DST: variants seen among roughly 807,000 people sequenced by gnomAD.
DST encodes the protein dystonin, also known as bullous pemphigoid antigen.
A neutral mutation model predicts 875.2 loss-of-function variants in DST; 253 were observed. The ratio of observed to expected loss-of-function variants is 0.29; its 90% confidence interval spans 0.26 to 0.32. The LOEUF (loss-of-function observed/expected upper bound fraction) is 0.32. Ranked by LOEUF, DST falls within the 10% of genes least tolerant of loss-of-function variation. The probability of loss-of-function intolerance (pLI) is 1.00; values close to 1 mark genes in which losing one functional copy is unlikely to be tolerated. For missense variants in DST, 8,287 were observed against 9,111.6 expected (o/e 0.91, Z 3.68); for synonymous variants, 3,124 against 3,197.1 (o/e 0.98, Z 0.77).
chr6:56,506,648 AT>A lies in DST; in HGVS notation c.19362+18del. 1 of 1,613,132 alleles carries A rather than the reference AT, an allele frequency of 6.2e-7. No individual in the cohort carries two copies. Among genetic ancestry groups the A allele is most frequent in the Non-Finnish European group, 8.5e-7 (1 of 1,179,502 alleles). On this transcript the variant is annotated intron_variant, in intron 76 of 103. Coordinates refer to ENST00000680361, the MANE Select transcript of DST (RefSeq NM_001374736.1). ...TAAAAACTTTTTAAAAGCCATTCTG[AT>A]AAGTAAGCCAGTTGTACCTCATCTA...
intron 4 of DST, among the ~76,000 whole-genome samples, chr6:56,752,978 A>G (rs2099592170): frequency 6.6e-6 from 1 of 151,956 alleles, no homozygotes; most frequent in Non-Finnish European, 1.5e-5. Context: ...TTTAGTAGAG[A>G]CGGGGTTTCT....
rs536718542 is a variant in DST at position 56,768,945 on chromosome 6, A to G, written c.626-33656T>C. Among the ~76,000 whole-genome samples, 6 of 152,238 alleles carry G rather than the reference A, an allele frequency of 3.9e-5. No individual in the cohort carries two copies. The East Asian group carries it at 5.8e-4, about 15-fold the overall frequency. On this transcript the variant is annotated intron_variant, in intron 4 of 103. Coordinates refer to ENST00000680361, the MANE Select transcript of DST (RefSeq NM_001374736.1). ...TTAGCAGGGCATAGTGGAACCAGAGAGTCAGAGGTTGCAGTGAGCCAAGAT... is the reference window on the plus strand; with the variant it reads ...TTAGCAGGGCATAGTGGAACCAGAGGGTCAGAGGTTGCAGTGAGCCAAGAT...
intron 69 of DST, among the ~76,000 whole-genome samples, chr6:56,519,917 T>C (rs931866732): frequency 1.1e-4 from 16 of 152,276 alleles, no homozygotes; most frequent in Middle Eastern, 3.4e-3. Context: ...ATGTTAGAAT[T>C]ACCTGACAAT....
intron 62 of DST, 111 bp downstream of exon 62, chr6:56,536,668 A>G: frequency 9.2e-7 from 1 of 1,083,470 alleles, no homozygotes; most frequent in South Asian, 2.2e-5. Context: ...GTAATATAAA[A>G]CAGTAGACAT....
chr6:56,469,622 G>A (rs552818588), intron 97 of DST, among the ~76,000 whole-genome samples: 449 of 152,176 alleles, frequency 3.0e-3, no homozygotes, highest in Non-Finnish European at 5.1e-3. Context: ...AAATATATGA[G>A]ATTTGAGTAT....
At position 56,817,638 on chromosome 6, in the gene DST, A is replaced by C. The variant is rs542974787; in HGVS notation, c.625+33759T>G. ...AGTTTGTCATACTTCATTTTTTATG[A>C]AATCATATTTTTATGTGTTAAAGGA... On this transcript the variant is annotated intron_variant, in intron 4 of 103. Coordinates refer to ENST00000680361, the MANE Select transcript of DST (RefSeq NM_001374736.1). Among the ~76,000 whole-genome samples the C allele has an allele frequency of 2.6e-5, 4 of 152,240 alleles. No homozygotes were observed. The Middle Eastern group carries it at 0.01, about 388-fold the overall frequency.
chr6:56,487,766 A>G (rs1413301773), intron 86 of DST, among the ~76,000 whole-genome samples: 1 of 152,198 alleles, frequency 6.6e-6, no homozygotes, highest in East Asian at 1.9e-4. Flanking sequence ...CAATAGGAAG[A>G]GTAGAAAGAA....
At chr6:56,544,930 C>T (rs900732855) in intron 61 of DST, among the ~76,000 whole-genome samples, 1 of 152,114 alleles carries the variant, frequency 6.6e-6, no homozygotes, top group Non-Finnish European at 1.5e-5. Flanking sequence ...TAGACAGCTA[C>T]TATAAATGTT....
intron 98 of DST, chr6:56,467,399 G>A (rs2094632128): frequency 6.6e-6 from 1 of 152,092 alleles, no homozygotes; most frequent in African/African-American, 2.4e-5. Flanking sequence ...AAATGCACCA[G>A]CAGGAACTCA....
chr6:56,465,991 C>T lies in DST; in HGVS notation c.22687+87G>A, dbSNP rs2094562319. The T allele has an allele frequency of 2.7e-6, 3 of 1,112,754 alleles. No individual in the cohort carries two copies. In the African/African-American group the frequency reaches 4.7e-5, roughly 17 times the overall value. The allele number at this position is 1,112,754 out of a possible 1,614,324, so 68.9% of individuals were successfully genotyped here. On this transcript the variant is annotated intron_variant, in intron 99 of 103. Transcript: ENST00000680361. ...AACATTCACTATTGGAATAAATGACCAAAATTATGCCCAGTATGTTTTGGT... is the reference window on the plus strand; with the variant it reads ...AACATTCACTATTGGAATAAATGACTAAAATTATGCCCAGTATGTTTTGGT...
At position 56,631,234 on chromosome 6, in the gene DST, A is replaced by G. The variant is rs1202953690; in HGVS notation, c.4119T>C (p.Ser1373=). 1 of 1,613,364 alleles carries G rather than the reference A, an allele frequency of 6.2e-7. No homozygotes were observed. The highest frequency in any genetic ancestry group is 1.1e-5 in the South Asian group (1 of 91,004). The change falls in exon 30 of 104, where the codon TCT becomes TCC. Residue 1373 remains serine, a synonymous_variant. Transcript: ENST00000680361. ...ACTTATCTATGTAAGTGGAAGACAT[A>G]GAATAGACTTGGTTCATGTTCTGAA... The part of the protein sequence containing the change: ...VVLQNMNQVY[S]MSSTYIDKLK...
intron 70 of DST, 95 bp from the exon 71 acceptor site, chr6:56,517,400 C>A: frequency 6.3e-7 from 1 of 1,583,188 alleles, no homozygotes; most frequent in Non-Finnish European, 8.6e-7. Context: ...TATCACGTTA[C>A]ACTAGAGGGG....
chr6:56,559,777 A>T (rs1267973965), intron 58 of DST, among the ~76,000 whole-genome samples: 2 of 151,978 alleles, frequency 1.3e-5, no homozygotes, highest in Non-Finnish European at 2.9e-5. Flanking sequence ...AGCAGTGTAT[A>T]CTCCTCTGTT....
chr6:56,661,590 G>C (rs2099042467), intron 10 of DST, among the ~76,000 whole-genome samples: 1 of 145,522 alleles, frequency 6.9e-6, no homozygotes. Flanking sequence ...CACTCTAACA[G>C]TTTTTTTTTT....
At position 56,609,143 on chromosome 6, in the gene DST, C is replaced by T; in HGVS notation, c.5485G>A (p.Glu1829Lys). 6.2e-7 allele frequency: 1 copy of T among 1,613,786 alleles called. No homozygotes were observed. Among genetic ancestry groups the T allele is most frequent in the South Asian group, 1.1e-5 (1 of 91,074 alleles). Residue 1829 changes from glutamate to lysine, a missense_variant, in exon 40 of 104, where the codon GAA becomes AAA. Around this residue, in one of 10 missense-constraint regions of DST, gnomAD observed 3,138 missense variants for 3,116.6 expected, o/e 1.01. Transcript: ENST00000680361. ...KDAKSHGLID[E>K]QILCQLKELS... ...TCTTTGAGTTGGCACAGAATTTGTT[C>T]ATCAATAAGGCCATGACTTTTGGCA...
Position 56,614,381 on chromosome 6 carries a change from C to G in DST, c.5033G>C (p.Gly1678Ala), listed in dbSNP as rs751524469. 175 of 1,607,960 alleles carry G rather than the reference C, an allele frequency of 1.1e-4. No homozygotes were observed. Among genetic ancestry groups the G allele is most frequent in the Non-Finnish European group, 1.4e-4 (170 of 1,177,336 alleles). ...CTTTTGCTTAGAGAAGGGAGGTTTT[C>G]CAGCCTTCTCTGCATCTTTCAATGT... ...SKTLKDAEKA[G>A]KPPFSKQKIS... Residue 1678 changes from glycine to alanine, a missense_variant, in exon 37 of 104, where the codon GGA (glycine) becomes GCA (alanine). Transcript: ENST00000680361.
chr6:56,513,093 C>A (rs909115357), intron 72 of DST, among the ~76,000 whole-genome samples: 18 of 152,208 alleles, frequency 1.2e-4, no homozygotes, highest in African/African-American at 4.3e-4. Flanking sequence ...AACAAGCTTT[C>A]ACTCAAGAGT....
intron 2 of DST, among the ~76,000 whole-genome samples, chr6:56,947,349 C>G (rs981109010): frequency 6.7e-6 from 1 of 150,234 alleles, no homozygotes; most frequent in African/African-American, 2.5e-5. Context: ...CTCCCAGGTT[C>G]AAACGATTCT....
chr6:56,463,050 G>C lies in DST; in HGVS notation c.23066C>G (p.Ala7689Gly). The change falls in exon 102 of 104, where the codon GCA becomes GGA. Residue 7689 changes from alanine to glycine, a missense_variant. Physicochemically the swap from Ala to Gly is moderately conservative, Grantham distance 60. Coordinates refer to ENST00000680361, the MANE Select transcript of DST (RefSeq NM_001374736.1). Reference protein sequence around the residue: ...AECSDFPVPSAEGTPIQGSKL... With the variant: ...AECSDFPVPSGEGTPIQGSKL... Reference sequence around the variant, plus strand: ...GACTCTGGGGCCTTACAATACCTCTGCAGATGGCACGGGAAAGTCTGAGCA... The same window carrying C: ...GACTCTGGGGCCTTACAATACCTCTCCAGATGGCACGGGAAAGTCTGAGCA... 1 of 1,603,182 alleles carries C rather than the reference G, an allele frequency of 6.2e-7. No individual in the cohort carries two copies. The highest frequency in any genetic ancestry group is 8.5e-7 in the Non-Finnish European group (1 of 1,171,224).
Sources: allele counts gnomAD v4.1 joint callset (sites outside exome capture counted in the v4.1 genomes callset), GRCh38; gene constraint gnomAD v4.1.1; regional missense constraint gnomAD v4.1.1; transcripts MANE v1.5; gene names NCBI Gene and HGNC (gene_info 2026-07-23, HGNC 2026-07-21).